ANAPC10: variants seen among roughly 807,000 people sequenced by gnomAD.
ANAPC10 encodes anaphase-promoting complex subunit 10.
A neutral mutation model predicts 22.0 loss-of-function variants in ANAPC10; 12 were observed. The ratio of observed to expected loss-of-function variants is 0.55; its 90% CI spans 0.35 to 0.88. The LOEUF is 0.88. ANAPC10 is among the 40% of genes least tolerant of loss of function. ANAPC10 has a pLI of 0.01. For synonymous variants in ANAPC10, 65 were observed against 69.5 expected (o/e 0.94, Z 0.32); for missense variants, 188 against 220.9 (o/e 0.85, Z 0.94).
chr4:145,079,757 C>A (rs962095719), intron 3 of ANAPC10, among the ~76,000 whole-genome samples: 3 of 152,116 alleles, frequency 2.0e-5, no homozygotes, highest in Non-Finnish European at 2.9e-5. Context: ...GGCCGGCATC[C>A]TAAGAGAACA....
intron 4 of ANAPC10, among the ~76,000 whole-genome samples, chr4:145,061,495 T>C (rs1403485998): frequency 1.3e-5 from 2 of 152,120 alleles, no homozygotes; most frequent in African/African-American, 4.8e-5. Context: ...TTAGTACAAA[T>C]AGGCTACGAA....
chr4:145,049,253 G>A (rs1239051385), intron 4 of ANAPC10, among the ~76,000 whole-genome samples: 1 of 152,144 alleles, frequency 6.6e-6, no homozygotes, highest in African/African-American at 2.4e-5. Flanking sequence ...GTTACTAAAG[G>A]CTGAGGTGGC....
At chr4:145,091,725 G>A (rs1480264932) in intron 2 of ANAPC10, among the ~76,000 whole-genome samples, 1 of 152,148 alleles carries the variant, frequency 6.6e-6, no homozygotes. Flanking sequence ...TGATGGGATT[G>A]CTGAGTCAAA....
intron 3 of ANAPC10, among the ~76,000 whole-genome samples, chr4:145,069,389 A>G (rs1744167201): frequency 1.3e-5 from 2 of 152,224 alleles, no homozygotes; most frequent in Admixed American, 6.5e-5. Flanking sequence ...CCTTCATTCT[A>G]TGCCTGAACA....
At chr4:145,026,967 A>G (rs1177773007) in intron 4 of ANAPC10, among the ~76,000 whole-genome samples, 36 of 25,740 alleles carry the variant, frequency 1.4e-3, no homozygotes, top group South Asian at 5.9e-3. Flanking sequence ...GTATATATAT[A>G]TATATATATA....
intron 4 of ANAPC10, among the ~76,000 whole-genome samples, chr4:145,026,947 G>A (rs28534560): frequency 0.012 from 169 of 13,900 alleles, no homozygotes; most frequent in Middle Eastern, 0.05. Flanking sequence ...ATATATATAT[G>A]TGTGTGTGTG....
In ANAPC10 at chr4:145,006,633, G is replaced by A. The variant is rs114309597; in HGVS notation, c.328-11030C>T. ...CATTTTTGTAGGTCAAAAATAAAAC[G>A]ACGATAATTTTATTTCTGTATAATT... On this transcript the variant is annotated intron_variant, in intron 4 of 4. Transcript: ENST00000507656. Among the ~76,000 whole-genome samples the A allele has an allele frequency of 4.9e-3, 744 of 152,120 alleles. 3 individuals carry two copies. Among genetic ancestry groups the A allele is most frequent in the African/African-American group, 0.017 (686 of 41,506 alleles).
At position 145,098,128 on chromosome 4, in the gene ANAPC10, G is replaced by C. The variant is rs33981816; in HGVS notation, c.-21C>G. 1.3e-5 allele frequency: 2 copies of C among 152,518 alleles called. No homozygotes were observed. Among genetic ancestry groups the C allele is most frequent in the Non-Finnish European group, 2.9e-5 (2 of 68,262 alleles). The allele number at this position is 152,518 out of a possible 1,614,324, so 9.4% of individuals were successfully genotyped here. On this transcript the variant is annotated 5_prime_UTR_variant, in exon 1 of 5. Coordinates refer to ENST00000507656, the MANE Select transcript of ANAPC10 (RefSeq NM_001256706.2). ...AAAGCCCACACACTCACAGTTTCCA[G>C]ACCTGGCTGCTTGCCGAAACTCAGA...
chr4:145,089,439 G>T (rs888306592), intron 2 of ANAPC10, among the ~76,000 whole-genome samples: 8 of 152,028 alleles, frequency 5.3e-5, no homozygotes, highest in African/African-American at 1.9e-4. Context: ...CCCTAAATTT[G>T]TTTTTCAACA....
intron 4 of ANAPC10, among the ~76,000 whole-genome samples, chr4:145,032,227 C>A (rs1296205914): frequency 6.6e-6 from 1 of 152,212 alleles, no homozygotes; most frequent in African/African-American, 2.4e-5. Flanking sequence ...TCTAGGACAT[C>A]CCTGAAGGAC....
At chr4:145,038,275 G>A (rs1445352342) in intron 4 of ANAPC10, among the ~76,000 whole-genome samples, 10 of 152,212 alleles carry the variant, frequency 6.6e-5, no homozygotes, top group Admixed American at 2.0e-4. Context: ...CACTTTGGGA[G>A]GCCAAGGTAG....
intron 3 of ANAPC10, among the ~76,000 whole-genome samples, chr4:145,074,636 A>C (rs1222270465): frequency 6.6e-6 from 1 of 152,232 alleles, no homozygotes; most frequent in South Asian, 2.1e-4. Flanking sequence ...AGTGAAGCAT[A>C]ATGTATTTTA....
chr4:145,087,232 A>T (rs1445437308), intron 2 of ANAPC10, among the ~76,000 whole-genome samples: 2 of 152,208 alleles, frequency 1.3e-5, no homozygotes, highest in Admixed American at 1.3e-4. Flanking sequence ...GAGCAAGAGC[A>T]CTAACACAAC....
chr4:145,014,527 C>T (rs1436790862), intron 4 of ANAPC10, among the ~76,000 whole-genome samples: 1 of 152,078 alleles, frequency 6.6e-6, no homozygotes, highest in Non-Finnish European at 1.5e-5. Flanking sequence ...AGACAAAGGG[C>T]ATACTCTCTT....
At chr4:145,026,694 A>G (rs909257243) in intron 4 of ANAPC10, among the ~76,000 whole-genome samples, 17 of 151,444 alleles carry the variant, frequency 1.1e-4, no homozygotes, top group Non-Finnish European at 4.4e-5. Flanking sequence ...AATAAGACAG[A>G]AATTGAAAGC....
rs532821047 is a variant in ANAPC10, at chr4:145,041,836, C to T, written c.327+22736G>A. On this transcript the variant is annotated intron_variant, in intron 4 of 4. Transcript: ENST00000507656. ...TCATACAACAATTATGAAATGTAAA[C>T]GTGCATCTGAATTTTGATCAAGAAA... Among the ~76,000 whole-genome samples the T allele has an allele frequency of 3.3e-5, 5 of 152,190 alleles. No homozygotes were observed. The South Asian group carries it at 8.3e-4, about 25-fold the overall frequency.
At chr4:145,001,239 TGAGGGAGGGAGG>T (rs1175458150) in intron 4 of ANAPC10, among the ~76,000 whole-genome samples, 2 of 43,052 alleles carry the variant, frequency 4.6e-5, no homozygotes, top group African/African-American at 8.1e-5. Flanking sequence ...AAGGAGGGAG[TGAGGGAGGGAGG>T]GAGGGAGGGA....
intron 4 of ANAPC10, among the ~76,000 whole-genome samples, chr4:145,047,380 T>C (rs1000648983): frequency 6.6e-6 from 1 of 152,136 alleles, no homozygotes; most frequent in Non-Finnish European, 1.5e-5. Flanking sequence ...AACTCTGCGT[T>C]CAATGGCGAG....
At chr4:145,047,513 G>A (rs1740489036) in intron 4 of ANAPC10, among the ~76,000 whole-genome samples, 1 of 152,086 alleles carries the variant, frequency 6.6e-6, no homozygotes, top group Non-Finnish European at 1.5e-5. Context: ...CAACAGAAAA[G>A]TTTCAAATTT....
Sources: gnomAD v4.1 joint callset for allele counts (sites outside exome capture counted in the v4.1 genomes callset) on GRCh38, gnomAD v4.1.1 for gene constraint, MANE v1.5 for transcripts, NCBI Gene and HGNC (gene_info 2026-07-23, HGNC 2026-07-21) for gene names.